The following FAM91A1 variants were observed in gnomAD, a reference collection of about 807,000 sequenced individuals.
FAM91A1 encodes the protein family with sequence similarity 91 member A1.
A neutral mutation model predicts 113.5 loss-of-function variants in FAM91A1; 41 were observed. The ratio of observed to expected loss-of-function variants is 0.36; its 90% CI spans 0.28 to 0.47. The LOEUF (loss-of-function observed/expected upper bound fraction) is 0.47. Ranked by LOEUF, FAM91A1 falls within the 20% of genes least tolerant of loss-of-function variation. The probability of loss-of-function intolerance (pLI) is 1.00; values close to 1 mark genes in which losing one functional copy is unlikely to be tolerated. For missense variants in FAM91A1, 696 were observed against 1,001.2 expected (o/e 0.70, Z 4.11); for synonymous variants, 307 against 347.9 (o/e 0.88, Z 1.31).
Position 123,768,600 on chromosome 8 carries a change from G to C in FAM91A1, c.-103G>C. The C allele has an allele frequency of 9.7e-7, 1 of 1,036,264 alleles. No individual in the cohort carries two copies. The highest frequency in any genetic ancestry group is 1.7e-5 in the South Asian group (1 of 58,972). 64.2% of individuals were successfully genotyped at this position (1,036,264 alleles called of 1,614,324 possible). A position where few individuals can be genotyped will look rare whatever the true frequency, so the allele number is the denominator to read the frequency against. ...CTGGGCCTTCTGCAGTGTGAGGCGC[G>C]GGGCCTCCCGCGTCGCTCCGCTGAC... On this transcript the variant is annotated 5_prime_UTR_variant, in exon 1 of 24. Transcript: ENST00000334705.
intron 7 of FAM91A1, 66 bp downstream of exon 7, chr8:123,780,141 T>C: frequency 7.7e-7 from 1 of 1,306,464 alleles, no homozygotes; most frequent in South Asian, 1.2e-5. Context: ...CAATAATTAC[T>C]AGCAATTACT....
At chr8:123,786,681 A>C (rs1016134226) in intron 12 of FAM91A1, 71 bp downstream of exon 12, 2 of 1,114,076 alleles carry the variant, frequency 1.8e-6, no homozygotes, top group African/African-American at 3.1e-5. Context: ...ACACTCTTAC[A>C]GTTACCTTCT....
intron 2 of FAM91A1, among the ~76,000 whole-genome samples, chr8:123,774,646 C>G (rs1814936722): frequency 6.6e-6 from 1 of 151,432 alleles, no homozygotes; most frequent in Non-Finnish European, 1.5e-5. Flanking sequence ...ATTCTGTTGC[C>G]CTGGTAGTCT....
intron 18 of FAM91A1, among the ~76,000 whole-genome samples, chr8:123,802,206 G>A (rs572629321): frequency 1.3e-5 from 2 of 152,306 alleles, no homozygotes; most frequent in East Asian, 1.9e-4. Context: ...AGTTAGGACT[G>A]TGTGTAGTAG....
intron 15 of FAM91A1, 44 bp from the exon 16 acceptor site, chr8:123,798,046 A>C (rs967400806): frequency 2.3e-5 from 35 of 1,532,470 alleles, no homozygotes; most frequent in Non-Finnish European, 2.0e-5. Flanking sequence ...TTTGTTTCAC[A>C]CTCTCAGTCT....
chr8:123,780,366 C>G (rs866133129), intron 7 of FAM91A1, 114 bp from the exon 8 acceptor site: 1 of 829,384 alleles, frequency 1.2e-6, no homozygotes, highest in Non-Finnish European at 1.9e-6. Flanking sequence ...CTTTTTCTTT[C>G]GTCACATAGC....
At chr8:123,805,555 A>C (rs1563648873) in intron 19 of FAM91A1, among the ~76,000 whole-genome samples, 1 of 152,188 alleles carries the variant, frequency 6.6e-6, no homozygotes, top group Non-Finnish European at 1.5e-5. Flanking sequence ...TTTTTGAAAG[A>C]CTACTAGTCT....
intron 2 of FAM91A1, 66 bp downstream of exon 2, chr8:123,774,230 C>T: frequency 8.1e-7 from 1 of 1,240,314 alleles, no homozygotes; most frequent in South Asian, 1.4e-5. Flanking sequence ...GTAAATCTTT[C>T]TTTTCAATAC....
At chr8:123,807,027 T>C (rs544611207) in intron 20 of FAM91A1, among the ~76,000 whole-genome samples, 4 of 152,268 alleles carry the variant, frequency 2.6e-5, no homozygotes, top group African/African-American at 9.6e-5. Flanking sequence ...TCTTATCCAT[T>C]GACTCTGGGA....
intron 3 of FAM91A1, 37 bp from the exon 4 acceptor site, chr8:123,777,228 T>A: frequency 1.5e-6 from 2 of 1,354,598 alleles, no homozygotes; most frequent in Non-Finnish European, 2.1e-6. Context: ...TTAAGGACAT[T>A]TTAGATTTCA....
chr8:123,803,273 A>G (rs1586392950), intron 18 of FAM91A1, among the ~76,000 whole-genome samples: 1 of 151,060 alleles, frequency 6.6e-6, no homozygotes, highest in Non-Finnish European at 1.5e-5. Flanking sequence ...AGTGCAAAAT[A>G]TGGATAGAAA....
At chr8:123,787,060 A>C (rs1815276347) in intron 12 of FAM91A1, among the ~76,000 whole-genome samples, 1 of 152,170 alleles carries the variant, frequency 6.6e-6, no homozygotes, top group Admixed American at 6.5e-5. Flanking sequence ...CATAGTGGAC[A>C]AGGCCTAGGG....
At chr8:123,785,190 T>C (rs940264595) in intron 10 of FAM91A1, 71 bp downstream of exon 10, 6 of 1,260,804 alleles carry the variant, frequency 4.8e-6, no homozygotes, top group Non-Finnish European at 6.6e-6. Context: ...ATTTTTATCT[T>C]GATAAGCTAC....
At position 123,774,060 on chromosome 8, in the gene FAM91A1, C is replaced by A. The variant is rs1814921763; in HGVS notation, c.73-20C>A. 6.3e-7 allele frequency: 1 copy of A among 1,597,296 alleles called. No individual in the cohort carries two copies. Among genetic ancestry groups the A allele is most frequent in the Non-Finnish European group, 8.5e-7 (1 of 1,170,440 alleles). ...GTTCAGTTTGGAAGTTGTTTAAAATCTTTTTGAAATTTCTCCTAGAGTCTT... is the reference window on the plus strand; with the variant it reads ...GTTCAGTTTGGAAGTTGTTTAAAATATTTTTGAAATTTCTCCTAGAGTCTT... On this transcript the variant is annotated intron_variant, in intron 1 of 23. Transcript: ENST00000334705.
At position 123,798,136 on chromosome 8, in the gene FAM91A1, C is replaced by A. The variant is rs1815579729; in HGVS notation, c.1458C>A (p.Asp486Glu). ...LLRCESLLGL[D>E]PATCSRVLNK... ...GCTGTGAAAGCCTTCTTGGTTTGGA[C>A]CCTGCAACTTGCAGCAGAGTTCTAA... The change falls in exon 16 of 24, where the codon GAC becomes GAA. Residue 486 changes from aspartate to glutamate, a missense_variant. By Grantham distance (45) the Asp-to-Glu change is conservative (BLOSUM62 2). Coordinates refer to ENST00000334705, the MANE Select transcript of FAM91A1 (RefSeq NM_144963.4). 6.2e-7 allele frequency: 1 copy of A among 1,613,964 alleles called. No homozygotes were observed. Among genetic ancestry groups the A allele is most frequent in the South Asian group, 1.1e-5 (1 of 91,062 alleles).
At chr8:123,791,655 T>C (rs939830325) in intron 15 of FAM91A1, among the ~76,000 whole-genome samples, 3 of 152,204 alleles carry the variant, frequency 2.0e-5, no homozygotes, top group African/African-American at 7.2e-5. Flanking sequence ...CAGCATTTCT[T>C]AGCTTAGCTC....
chr8:123,799,843 G>T lies in FAM91A1; in HGVS notation c.1767G>T (p.Thr589=). The part of the protein sequence containing the change: ...PGVVPTSNVL[T]MLNDALTHSA... ...TAGTTCCTACCTCAAATGTGCTCACGATGTTGAATGATGCTTTAACACATT... is the reference window on the plus strand; with the variant it reads ...TAGTTCCTACCTCAAATGTGCTCACTATGTTGAATGATGCTTTAACACATT... The change falls in exon 18 of 24, where the codon ACG becomes ACT. Residue 589 remains threonine (T), a synonymous_variant. Coordinates refer to ENST00000334705, the MANE Select transcript of FAM91A1 (RefSeq NM_144963.4). 6.2e-7 allele frequency: 1 copy of T among 1,607,284 alleles called. No homozygotes were observed. The highest frequency in any genetic ancestry group is 8.5e-7 in the Non-Finnish European group (1 of 1,174,788).
rs764317615 is a variant in FAM91A1, at chr8:123,774,099, G to C, written c.92G>C (p.Arg31Thr). Residue 31 changes from arginine to threonine, a missense_variant, in exon 2 of 24, where the codon AGA becomes ACA. Transcript: ENST00000334705. The stretch of plus-strand genomic sequence containing the variant: ...TCCTAGAGTCTTGGAAATTCACAGA[G>C]AGAATATGAAAAGCAGGTTGTCCTG... ...NVRQSLGNSQ[R>T]EYEKQVVLYS... 1.9e-6 allele frequency: 3 copies of C among 1,606,396 alleles called. No individual in the cohort carries two copies. Among genetic ancestry groups the C allele is most frequent in the Non-Finnish European group, 2.5e-6 (3 of 1,177,164 alleles).
intron 18 of FAM91A1, among the ~76,000 whole-genome samples, chr8:123,800,266 A>G (rs201751222): frequency 4.5e-5 from 4 of 88,528 alleles, no homozygotes; most frequent in Non-Finnish European, 8.6e-5. Context: ...TCCTATATGT[A>G]TATATATATA....
Sources: allele counts gnomAD v4.1 joint callset (sites outside exome capture counted in the v4.1 genomes callset), GRCh38; gene constraint gnomAD v4.1.1; transcripts MANE v1.5; gene names NCBI Gene and HGNC (gene_info 2026-07-23, HGNC 2026-07-21).